ANGPT1: variants seen among roughly 807,000 people sequenced by gnomAD.
ANGPT1 encodes the protein angiopoietin 1.
Under a neutral mutation model 62.2 loss-of-function variants are expected in ANGPT1, and 17 were observed. The ratio of observed to expected loss-of-function variants is 0.27; its 90% CI spans 0.19 to 0.41. The LOEUF (loss-of-function observed/expected upper bound fraction) is 0.41. Ranked by LOEUF, ANGPT1 falls within the 10% of genes least tolerant of loss-of-function variation. The probability of loss-of-function intolerance (pLI) is 1.00; values close to 1 mark genes in which losing one functional copy is unlikely to be tolerated. For missense variants in ANGPT1, 478 were observed against 594.9 expected (o/e 0.80, Z 2.04); for synonymous variants, 199 against 198.9 (o/e 1.00, Z 0.00).
chr8:107,479,068 G>A (rs1261208321), intron 1 of ANGPT1, among the ~76,000 whole-genome samples: 1 of 151,888 alleles, frequency 6.6e-6, no homozygotes, highest in African/African-American at 2.4e-5. Flanking sequence ...TAACGGTTCT[G>A]CCACTTACTG....
At chr8:107,376,509 A>T (rs1022911520) in intron 1 of ANGPT1, among the ~76,000 whole-genome samples, 2 of 152,182 alleles carry the variant, frequency 1.3e-5, no homozygotes, top group Non-Finnish European at 2.9e-5. Flanking sequence ...AAGGGATAGA[A>T]GACAGAAAAT....
At chr8:107,471,072 T>G (rs1192371439) in intron 1 of ANGPT1, among the ~76,000 whole-genome samples, 1 of 152,052 alleles carries the variant, frequency 6.6e-6, no homozygotes, top group African/African-American at 2.4e-5. Flanking sequence ...TATAAATCAT[T>G]CTACTATAAA....
rs1437470809 is a variant in ANGPT1 at position 107,322,021 on chromosome 8, T to C, written c.683A>G (p.Tyr228Cys). 3.7e-6 allele frequency: 6 copies of C among 1,613,914 alleles called. No homozygotes were observed. Among genetic ancestry groups the C allele is most frequent in the African/African-American group, 2.7e-5 (2 of 74,918 alleles). The change falls in exon 4 of 9, where the codon TAT becomes TGT. Residue 228 changes from tyrosine to cysteine, a missense_variant. Tyr to Cys is a radical substitution (Grantham distance 194). Transcript: ENST00000517746. ...TTGCTTTTCCAGCTCCTGGATTATATATGTTTGACGAGTAACCAAGCCTTG... is the reference window on the plus strand; with the variant it reads ...TTGCTTTTCCAGCTCCTGGATTATACATGTTTGACGAGTAACCAAGCCTTG... ...NLQGLVTRQT[Y>C]IIQELEKQLN...
At chr8:107,417,258 T>C (rs1227732298) in intron 1 of ANGPT1, among the ~76,000 whole-genome samples, 1 of 152,156 alleles carries the variant, frequency 6.6e-6, no homozygotes, top group African/African-American at 2.4e-5. Context: ...TAGGTTGCCA[T>C]TATAGATTCT....
chr8:107,353,928 G>A, intron 1 of ANGPT1, among the ~76,000 whole-genome samples: 1 of 152,038 alleles, frequency 6.6e-6, no homozygotes, highest in East Asian at 1.9e-4. Flanking sequence ...AATGTGAGTG[G>A]ATGTTTGTTA....
At chr8:107,322,576 A>C (rs1224643996) in intron 3 of ANGPT1, 1 of 187,516 alleles carries the variant, frequency 5.3e-6, no homozygotes, top group Non-Finnish European at 1.1e-5. Flanking sequence ...CAAAACGTTA[A>C]CATTGACTAA....
At chr8:107,436,444 G>C (rs1811336349) in intron 1 of ANGPT1, among the ~76,000 whole-genome samples, 1 of 152,124 alleles carries the variant, frequency 6.6e-6, no homozygotes, top group Non-Finnish European at 1.5e-5. Context: ...CTGTCTATTT[G>C]TTAGCTTAGT....
At chr8:107,342,832 A>AC (rs1554584320) in intron 2 of ANGPT1, among the ~76,000 whole-genome samples, 14 of 104,442 alleles carry the variant, frequency 1.3e-4, no homozygotes, top group Admixed American at 3.7e-4. Context: ...CACACACACA[A>AC]GTGTATATAT....
intron 7 of ANGPT1, among the ~76,000 whole-genome samples, chr8:107,271,212 T>C (rs1813726230): frequency 6.6e-6 from 1 of 152,072 alleles, no homozygotes; most frequent in Non-Finnish European, 1.5e-5. Flanking sequence ...GCAATCTAGC[T>C]CTTATTCTTT....
In ANGPT1 at chr8:107,312,282, G is replaced by C. The variant is rs1488485376; in HGVS notation, c.809-8915C>G. Among the ~76,000 whole-genome samples the C allele has an allele frequency of 2.0e-5, 3 of 152,220 alleles. No homozygotes were observed. In the South Asian group the frequency reaches 6.2e-4, roughly 32 times the overall value. ...TTCACAAAGACATTTCAGGTGTTTC[G>C]TGTGTGTTAATTTCCCATATACTTT... On this transcript the variant is annotated intron_variant, in intron 4 of 8. Transcript: ENST00000517746.
chr8:107,321,896 C>T lies in ANGPT1; in HGVS notation c.808G>A (p.Val270Ile), dbSNP rs1815157737. Residue 270 changes from valine to isoleucine, a missense_variant and splice_region_variant, in exon 4 of 9, where the codon GTT becomes ATT. Transcript: ENST00000517746. ...ACCAAAGTGAGGAAGACATTCTTACCACCTTCTTTAGTGCAAAGATTGACA... is the reference window on the plus strand; with the variant it reads ...ACCAAAGTGAGGAAGACATTCTTACTACCTTCTTTAGTGCAAAGATTGACA... The part of the protein sequence containing the change: ...NLVNLCTKEG[V>I]LLKGGKREEE... The T allele has an allele frequency of 6.2e-7, 1 of 1,612,386 alleles. No individual in the cohort carries two copies. Among genetic ancestry groups the T allele is most frequent in the Non-Finnish European group, 8.5e-7 (1 of 1,179,028 alleles).
intron 1 of ANGPT1, among the ~76,000 whole-genome samples, chr8:107,367,788 C>T (rs947419209): frequency 3.9e-5 from 6 of 152,176 alleles, no homozygotes; most frequent in African/African-American, 1.4e-4. Flanking sequence ...GAAGCAACTC[C>T]TCATCTATTT....
intron 1 of ANGPT1, among the ~76,000 whole-genome samples, chr8:107,367,259 T>C (rs1034843524): frequency 6.6e-6 from 1 of 152,204 alleles, no homozygotes; most frequent in Admixed American, 6.5e-5. Context: ...TACACTATAC[T>C]GTGGTCTATT....
At chr8:107,342,823 A>T (rs971226842) in intron 2 of ANGPT1, among the ~76,000 whole-genome samples, 1 of 109,126 alleles carries the variant, frequency 9.2e-6, no homozygotes, top group Non-Finnish European at 1.9e-5. Context: ...ACACACACAC[A>T]CACACACAAG....
At chr8:107,323,569 A>C (rs1331434067) in intron 3 of ANGPT1, among the ~76,000 whole-genome samples, 1 of 152,118 alleles carries the variant, frequency 6.6e-6, no homozygotes, top group Admixed American at 6.5e-5. Flanking sequence ...CCAAGGCTTA[A>C]ATGGCATAAA....
At chr8:107,474,888 G>T (rs1812472627) in intron 1 of ANGPT1, among the ~76,000 whole-genome samples, 1 of 152,120 alleles carries the variant, frequency 6.6e-6, no homozygotes, top group African/African-American at 2.4e-5. Flanking sequence ...GGATGTGAAG[G>T]ACCTCTTTAA....
chr8:107,442,485 T>C (rs1811507532), intron 1 of ANGPT1, among the ~76,000 whole-genome samples: 1 of 152,160 alleles, frequency 6.6e-6, no homozygotes, highest in Non-Finnish European at 1.5e-5. Context: ...CCTTACTAGA[T>C]AACAGATTTT....
At chr8:107,440,013 A>C (rs1456120504) in intron 1 of ANGPT1, among the ~76,000 whole-genome samples, 3 of 152,268 alleles carry the variant, frequency 2.0e-5, no homozygotes, top group East Asian at 3.9e-4. Context: ...AGCAGAATAG[A>C]TGGGCTAAGG....
chr8:107,492,418 CTCCGCCTCCTGGGTT>C (rs1812984156), intron 1 of ANGPT1, among the ~76,000 whole-genome samples: 1 of 152,174 alleles, frequency 6.6e-6, no homozygotes, highest in Non-Finnish European at 1.5e-5. Context: ...TCACTGCAAC[CTCCGCCTCCTGGGTT>C]CAAGCCATTC....
Sources: allele counts gnomAD v4.1 joint callset (sites outside exome capture counted in the v4.1 genomes callset), GRCh38; gene constraint gnomAD v4.1.1; transcripts MANE v1.5; gene names NCBI Gene and HGNC (gene_info 2026-07-23, HGNC 2026-07-21).